The following IL23R variants were observed in gnomAD, a reference collection of about 807,000 sequenced individuals.
The protein encoded by IL23R is interleukin 23 receptor, also known as interleukin-23 receptor.
IL23R carries 34 observed loss-of-function variants against 56.9 expected under a neutral mutation model. The ratio of observed to expected loss-of-function variants is 0.60; its 90% CI spans 0.45 to 0.80. The LOEUF (loss-of-function observed/expected upper bound fraction) is 0.80, where lower values mean the gene tolerates loss of function less well. Among genes scored for constraint, IL23R ranks in the 30% least tolerant of loss-of-function variants. IL23R has a pLI of 0.00. For missense variants in IL23R, 635 were observed against 730.0 expected (o/e 0.87, Z 1.50); for synonymous variants, 230 against 249.2 (o/e 0.92, Z 0.73).
chr1:67,219,524 G>C (rs1650103190), intron 6 of IL23R, 50 bp from the exon 7 acceptor site: 1 of 1,559,624 alleles, frequency 6.4e-7, no homozygotes, highest in Admixed American at 1.7e-5. Context: ...AAATAAAATA[G>C]TTGTTTTAAA....
intron 10 of IL23R, 44 bp downstream of exon 10, chr1:67,255,971 C>G (rs1314319603): frequency 2.0e-6 from 2 of 1,024,456 alleles, no homozygotes; most frequent in South Asian, 1.3e-5. Context: ...CAATTGAGAC[C>G]AAGAGTGCAG....
intron 6 of IL23R, among the ~76,000 whole-genome samples, chr1:67,213,306 A>C (rs1558246640): frequency 6.6e-6 from 1 of 152,230 alleles, no homozygotes; most frequent in East Asian, 1.9e-4. Flanking sequence ...CAAGCCTGGA[A>C]TAGTGTAATT....
chr1:67,237,502 A>C (rs11465810), intron 8 of IL23R, among the ~76,000 whole-genome samples: 31,850 of 152,238 alleles, frequency 0.21, 3,719 homozygotes, highest in Non-Finnish European at 0.27. Context: ...GAGGAAACTG[A>C]AACTTAGAGT....
chr1:67,207,269 G>T (rs906195426), intron 6 of IL23R: 8 of 629,454 alleles, frequency 1.3e-5, no homozygotes, highest in South Asian at 5.2e-5. Context: ...TATATTGCAT[G>T]GTATTGAGGT....
At chr1:67,172,928 C>G (rs1646961065) in intron 3 of IL23R, among the ~76,000 whole-genome samples, 1 of 152,014 alleles carries the variant, frequency 6.6e-6, no homozygotes, top group Non-Finnish European at 1.5e-5. Context: ...TACTATGCAC[C>G]AAAAATGTGT....
At chr1:67,253,556 A>G (rs935700107) in intron 9 of IL23R, among the ~76,000 whole-genome samples, 1 of 152,220 alleles carries the variant, frequency 6.6e-6, no homozygotes, top group Non-Finnish European at 1.5e-5. Flanking sequence ...GAGCTATTAT[A>G]AAGTCTACTA....
chr1:67,153,706 C>T (rs546744494), intron 1 of IL23R, among the ~76,000 whole-genome samples: 5 of 152,080 alleles, frequency 3.3e-5, no homozygotes, highest in South Asian at 4.2e-4. Flanking sequence ...TGTTATTTAC[C>T]GAAGAGTCAT....
upstream of IL23R, among the ~76,000 whole-genome samples, chr1:67,162,076 T>C (rs1646826743): frequency 6.6e-6 from 1 of 152,110 alleles, no homozygotes; most frequent in East Asian, 1.9e-4. Context: ...TACTATCTTA[T>C]TGAATAAAGT....
upstream of IL23R, among the ~76,000 whole-genome samples, chr1:67,162,608 G>C (rs1646832620): frequency 6.6e-6 from 1 of 152,142 alleles, no homozygotes; most frequent in Non-Finnish European, 1.5e-5. Context: ...TCCCAGCATG[G>C]GCTGAAATAG....
At chr1:67,204,103 G>T (rs892108440) in intron 5 of IL23R, among the ~76,000 whole-genome samples, 1 of 151,734 alleles carries the variant, frequency 6.6e-6, no homozygotes, top group Non-Finnish European at 1.5e-5. Context: ...TCGCTCTGTC[G>T]CCCAGGCTGG....
intron 1 of IL23R, among the ~76,000 whole-genome samples, chr1:67,155,431 C>T (rs1646763090): frequency 6.6e-6 from 1 of 152,176 alleles, no homozygotes; most frequent in African/African-American, 2.4e-5. Flanking sequence ...GTACTCCAGT[C>T]AATCATAGGT....
chr1:67,173,714 T>G (rs1646974025), intron 3 of IL23R, among the ~76,000 whole-genome samples: 1 of 152,186 alleles, frequency 6.6e-6, no homozygotes, highest in Non-Finnish European at 1.5e-5. Flanking sequence ...AGTTTTTTAA[T>G]TATAAAATCA....
At chr1:67,182,506 G>A (rs1278853084) in intron 3 of IL23R, among the ~76,000 whole-genome samples, 2 of 152,208 alleles carry the variant, frequency 1.3e-5, no homozygotes, top group Non-Finnish European at 2.9e-5. Context: ...TAGGGTGGGA[G>A]TGACCCTATT....
At chr1:67,228,062 TC>T (rs1405012979) in intron 7 of IL23R, among the ~76,000 whole-genome samples, 3 of 99,816 alleles carry the variant, frequency 3.0e-5, no homozygotes, top group Admixed American at 2.5e-4. Context: ...TCTTTCTTTC[TC>T]TGTCTCTCTC....
At chr1:67,157,415 G>A (rs1646778774) in intron 1 of IL23R, among the ~76,000 whole-genome samples, 1 of 152,116 alleles carries the variant, frequency 6.6e-6, no homozygotes, top group Non-Finnish European at 1.5e-5. Flanking sequence ...GAATAAAATT[G>A]TTTTCACTTC....
chr1:67,235,591 A>G lies in IL23R; in HGVS notation c.956-1122A>G, dbSNP rs558622159. Among the ~76,000 whole-genome samples the G allele has an allele frequency of 2.6e-5, 4 of 152,130 alleles. No homozygotes were observed. The South Asian group carries it at 6.2e-4, about 24-fold the overall frequency. On this transcript the variant is annotated intron_variant, in intron 7 of 10. Coordinates refer to ENST00000347310, the MANE Select transcript of IL23R (RefSeq NM_144701.3). ...GTATTTTTAGTAGAAACAGGGTTTC[A>G]CCATGTTGCCCAGGCTGGTCTCAAC...
rs1653096046 is a variant in IL23R at position 67,258,891 on chromosome 1, C to T, written c.1653C>T (p.Leu551=). ...CAATATTTCTTGGAGAATTAAGCCT[C>T]ATATTAAATCAAGGAGAATGCAGTT... ...SNTIFLGELS[L]ILNQGECSSP... The change falls in exon 11 of 11, where the codon CTC becomes CTT. Residue 551 remains leucine (L), a synonymous_variant. Coordinates refer to ENST00000347310, the MANE Select transcript of IL23R (RefSeq NM_144701.3). 6.2e-6 allele frequency: 10 copies of T among 1,613,934 alleles called. No individual in the cohort carries two copies. The highest frequency in any genetic ancestry group is 8.5e-6 in the Non-Finnish European group (10 of 1,179,986).
intron 6 of IL23R, among the ~76,000 whole-genome samples, chr1:67,209,120 G>T (rs753005676): frequency 6.6e-6 from 1 of 152,160 alleles, no homozygotes; most frequent in African/African-American, 2.4e-5. Flanking sequence ...TGGAATGGCT[G>T]TATTACCTAA....
intron 4 of IL23R, among the ~76,000 whole-genome samples, chr1:67,191,249 T>C (rs1359608839): frequency 6.6e-6 from 1 of 152,232 alleles, no homozygotes; most frequent in Non-Finnish European, 1.5e-5. Context: ...CCTCACTCTC[T>C]ATTGAAGACC....
Sources: gnomAD v4.1 joint callset for allele counts (sites outside exome capture counted in the v4.1 genomes callset) on GRCh38, gnomAD v4.1.1 for gene constraint, MANE v1.5 for transcripts, NCBI Gene and HGNC (gene_info 2026-07-23, HGNC 2026-07-21) for gene names.